Variants in SENP7 observed in about 807,000 individuals in gnomAD.
SENP7 encodes SUMO specific peptidase 7.
A neutral mutation model predicts 141.2 loss-of-function variants in SENP7; 64 were observed. That is an observed-to-expected ratio of 0.45 (90% CI 0.37 to 0.56). The LOEUF (loss-of-function observed/expected upper bound fraction) is 0.56, where lower values mean the gene tolerates loss of function less well. Among genes scored for constraint, SENP7 ranks in the 20% least tolerant of loss-of-function variants. The pLI is 0.00. For synonymous variants in SENP7, 382 were observed against 426.4 expected (o/e 0.90, Z 1.28); for missense variants, 1,025 against 1,212.2 (o/e 0.85, Z 2.29).
chr3:101,343,645 A>G, intron 14 of SENP7, 41 bp downstream of exon 14: 1 of 1,542,706 alleles, frequency 6.5e-7, no homozygotes, highest in Non-Finnish European at 8.7e-7. Flanking sequence ...TGTTTTCTGA[A>G]CCTCCCCCTT....
chr3:101,432,114 A>G (rs1299072736), intron 4 of SENP7, among the ~76,000 whole-genome samples: 1 of 152,092 alleles, frequency 6.6e-6, no homozygotes, highest in Non-Finnish European at 1.5e-5. Context: ...CCATCTTAAG[A>G]GATTTCGGGC....
At position 101,376,397 on chromosome 3, in the gene SENP7, AG is replaced by A. The variant is rs529755308; in HGVS notation, c.678-4272del. On this transcript the variant is annotated intron_variant, in intron 6 of 23. Transcript: ENST00000394095. ...TATTACAATCTTTAAAATACAAAAA[AG>A]GTATTAAAATATACAATAAATGAAG... is the stretch of plus-strand genomic sequence containing the variant. Among the ~76,000 whole-genome samples the A allele has an allele frequency of 3.4e-3, 525 of 152,318 alleles. 3 individuals carry two copies. Among genetic ancestry groups the A allele is most frequent in the Middle Eastern group, 0.017 (5 of 294 alleles).
intron 1 of SENP7, among the ~76,000 whole-genome samples, chr3:101,510,286 T>C (rs143314776): frequency 4.6e-5 from 7 of 152,242 alleles, no homozygotes; most frequent in African/African-American, 1.7e-4. Flanking sequence ...ATCAGTTACA[T>C]GAGTTACAAA....
At chr3:101,415,194 T>C (rs762941158) in intron 5 of SENP7, among the ~76,000 whole-genome samples, 7 of 152,232 alleles carry the variant, frequency 4.6e-5, no homozygotes, top group East Asian at 1.9e-4. Context: ...AGATGTGGAA[T>C]TGGGAGGGAG....
intron 22 of SENP7, among the ~76,000 whole-genome samples, chr3:101,328,087 A>G (rs1433343146): frequency 1.3e-5 from 2 of 152,204 alleles, no homozygotes; most frequent in Non-Finnish European, 2.9e-5. Context: ...ATCATTTTAA[A>G]AGTTTCATCA....
At chr3:101,500,914 T>C (rs2065351691) in intron 2 of SENP7, among the ~76,000 whole-genome samples, 156 bp downstream of exon 2, 1 of 152,232 alleles carries the variant, frequency 6.6e-6, no homozygotes, top group African/African-American at 2.4e-5. Context: ...AGTCTCCTGG[T>C]TAACCTTCAG....
At chr3:101,327,645 C>T (rs1426922428) in intron 23 of SENP7, 21 bp downstream of exon 23, 4 of 1,573,438 alleles carry the variant, frequency 2.5e-6, no homozygotes, top group Non-Finnish European at 3.4e-6. Flanking sequence ...GAATTAAAAA[C>T]TTATTTATAG....
chr3:101,492,374 C>CA (rs1002745335), intron 3 of SENP7, among the ~76,000 whole-genome samples: 24 of 146,950 alleles, frequency 1.6e-4, no homozygotes, highest in Admixed American at 6.1e-4. Context: ...GACCCTGTCT[C>CA]AAAAAAAAAA....
At chr3:101,361,214 C>T (rs375277766) in intron 11 of SENP7, among the ~76,000 whole-genome samples, 5 of 123,614 alleles carry the variant, frequency 4.0e-5, no homozygotes, top group African/African-American at 1.4e-4. Flanking sequence ...CTCTGTCCGC[C>T]CCCCCAAAAA....
Position 101,432,377 on chromosome 3 carries a change from G to A in SENP7, c.285-14587C>T, listed in dbSNP as rs183407610. On this transcript the variant is annotated intron_variant, in intron 4 of 23. Coordinates refer to ENST00000394095, the MANE Select transcript of SENP7 (RefSeq NM_020654.5). The stretch of plus-strand genomic sequence containing the variant: ...GCTTGGGAGATCTTGCCATCCTGAA[G>A]GGAAGAACACAGGCCTGGCTGGCTT... Among the ~76,000 whole-genome samples, 4 of 152,346 alleles carry A rather than the reference G, an allele frequency of 2.6e-5. No individual in the cohort carries two copies. In the East Asian group the frequency reaches 7.7e-4, roughly 29 times the overall value.
intron 1 of SENP7, among the ~76,000 whole-genome samples, chr3:101,511,486 T>C (rs973468986): frequency 3.9e-5 from 6 of 152,242 alleles, no homozygotes; most frequent in African/African-American, 7.2e-5. Context: ...GTTTTCCTAA[T>C]GTGTCCATTT....
At chr3:101,501,259 C>T (rs767770175) in intron 1 of SENP7, 140 bp from the exon 2 acceptor site, 11 of 559,296 alleles carry the variant, frequency 2.0e-5, no homozygotes, top group Non-Finnish European at 3.1e-5. Flanking sequence ...TTTACAGAAA[C>T]TGAAGGGCTA....
At chr3:101,385,342 T>G (rs2250611) in intron 6 of SENP7, among the ~76,000 whole-genome samples, 48,452 of 151,978 alleles carry the variant, frequency 0.32, 8,226 homozygotes, top group Non-Finnish European at 0.38. Flanking sequence ...TACAGCAGAT[T>G]TTGGCAAAAG....
chr3:101,357,567 G>C, intron 11 of SENP7: 1 of 1,275,212 alleles, frequency 7.8e-7, no homozygotes, highest in Non-Finnish European at 1.1e-6. Flanking sequence ...GAAAAATGTG[G>C]ACATGACAAT....
intron 16 of SENP7, among the ~76,000 whole-genome samples, chr3:101,339,376 A>T (rs1435260250): frequency 6.6e-6 from 1 of 152,208 alleles, no homozygotes; most frequent in African/African-American, 2.4e-5. Flanking sequence ...TCCTTTGCAT[A>T]AAGTTTTAAA....
chr3:101,348,496 A>C (rs2059531235), intron 12 of SENP7, among the ~76,000 whole-genome samples: 1 of 152,162 alleles, frequency 6.6e-6, no homozygotes, highest in African/African-American at 2.4e-5. Context: ...ATATATTTCC[A>C]CCTTTTCTAT....
At chr3:101,478,788 A>T (rs149755158) in intron 3 of SENP7, among the ~76,000 whole-genome samples, 1 of 152,184 alleles carries the variant, frequency 6.6e-6, no homozygotes, top group African/African-American at 2.4e-5. Flanking sequence ...CAGACACAAA[A>T]TACCTCAACA....
At chr3:101,484,801 C>T (rs2108055720) in intron 3 of SENP7, among the ~76,000 whole-genome samples, 1 of 152,254 alleles carries the variant, frequency 6.6e-6, no homozygotes, top group African/African-American at 2.4e-5. Context: ...ACCAGAGGAG[C>T]AGGGGTATAA....
intron 6 of SENP7, among the ~76,000 whole-genome samples, chr3:101,377,507 G>T (rs956531103): frequency 2.0e-5 from 3 of 152,176 alleles, no homozygotes; most frequent in African/African-American, 7.2e-5. Context: ...GCACACTTTT[G>T]TGAGTTTTAT....
Sources: allele counts gnomAD v4.1 joint callset (sites outside exome capture counted in the v4.1 genomes callset), GRCh38; gene constraint gnomAD v4.1.1; transcripts MANE v1.5; gene names NCBI Gene and HGNC (gene_info 2026-07-23, HGNC 2026-07-21).